Variants in WNT3A observed in about 807,000 individuals in gnomAD.
WNT3A encodes the protein Wnt family member 3A, also known as protein Wnt-3a.
In WNT3A, 17 loss-of-function variants were observed where a neutral mutation model predicts 37.0. That is an observed-to-expected ratio of 0.46 (90% CI 0.31 to 0.69). The LOEUF (loss-of-function observed/expected upper bound fraction) is 0.69, where lower values mean the gene tolerates loss of function less well. Among genes scored for constraint, WNT3A ranks in the 30% least tolerant of loss-of-function variants. WNT3A has a pLI of 0.05. For synonymous variants in WNT3A, 187 were observed against 211.0 expected (o/e 0.89, Z 0.99); for missense variants, 411 against 510.2 (o/e 0.81, Z 1.87).
chr1:228,027,051 T>C (rs2030870477), intron 2 of WNT3A, among the ~76,000 whole-genome samples: 1 of 152,118 alleles, frequency 6.6e-6, no homozygotes, highest in Non-Finnish European at 1.5e-5. Flanking sequence ...CCACTTTGGC[T>C]GGGCTGGTCC....
At chr1:228,046,552 TTG>T (rs1288557056) in intron 2 of WNT3A, among the ~76,000 whole-genome samples, 2 of 149,356 alleles carry the variant, frequency 1.3e-5, no homozygotes, top group Non-Finnish European at 3.0e-5. Flanking sequence ...GTGTGTGTAT[TTG>T]TGTGTGTGCA....
intron 1 of WNT3A, among the ~76,000 whole-genome samples, chr1:228,016,020 GT>G (rs1262853308): frequency 6.6e-6 from 1 of 152,138 alleles, no homozygotes; most frequent in East Asian, 1.9e-4. Context: ...GTCTGTGCCC[GT>G]CACCTTCTGG....
chr1:228,029,785 G>A (rs1184052500), intron 2 of WNT3A, among the ~76,000 whole-genome samples: 2 of 149,178 alleles, frequency 1.3e-5, no homozygotes, highest in Non-Finnish European at 3.0e-5. Context: ...CACAGGTGAC[G>A]GTGTTAGAAG....
intron 1 of WNT3A, among the ~76,000 whole-genome samples, chr1:228,016,237 T>C (rs1257710156): frequency 3.3e-5 from 5 of 152,224 alleles, no homozygotes; most frequent in East Asian, 1.9e-4. Context: ...ACAGGGGCCA[T>C]GGAGCAAGTT....
At chr1:228,020,664 G>T (rs1438784624) in intron 1 of WNT3A, among the ~76,000 whole-genome samples, 6 of 152,352 alleles carry the variant, frequency 3.9e-5, no homozygotes, top group African/African-American at 1.4e-4. Flanking sequence ...GGTGGAGGGG[G>T]TGTGCAGGGA....
intron 2 of WNT3A, among the ~76,000 whole-genome samples, chr1:228,049,953 T>A (rs1444792902): frequency 6.6e-6 from 1 of 151,732 alleles, no homozygotes; most frequent in Non-Finnish European, 1.5e-5. Flanking sequence ...AATTTTAACA[T>A]TTTTTTGTAG....
intron 1 of WNT3A, among the ~76,000 whole-genome samples, chr1:228,017,407 G>A (rs988227923): frequency 3.3e-5 from 5 of 152,126 alleles, no homozygotes; most frequent in Non-Finnish European, 7.4e-5. Flanking sequence ...GAAGAGGAGG[G>A]ACTAGCTCTC....
At chr1:228,013,217 T>G (rs1287341830) in intron 1 of WNT3A, among the ~76,000 whole-genome samples, 2 of 152,108 alleles carry the variant, frequency 1.3e-5, no homozygotes, top group African/African-American at 4.8e-5. Flanking sequence ...TTGGCTAGTA[T>G]TTTTCATTTT....
At chr1:228,017,708 G>A (rs1238257972) in intron 1 of WNT3A, among the ~76,000 whole-genome samples, 1 of 152,160 alleles carries the variant, frequency 6.6e-6, no homozygotes, top group East Asian at 1.9e-4. Context: ...CTCTAAAAAA[G>A]TAAATTAATA....
At chr1:228,053,306 C>A (rs549716015) in intron 3 of WNT3A, among the ~76,000 whole-genome samples, 1 of 152,346 alleles carries the variant, frequency 6.6e-6, no homozygotes, top group African/African-American at 2.4e-5. Context: ...ATAACCCTGG[C>A]TTGCTACCTC....
intron 3 of WNT3A, among the ~76,000 whole-genome samples, chr1:228,052,622 G>A (rs1212728077): frequency 1.3e-5 from 2 of 152,212 alleles, no homozygotes; most frequent in Non-Finnish European, 2.9e-5. Context: ...CATGAAGATG[G>A]CAGCTGACCT....
At chr1:228,056,158 G>A (rs1457019816) in intron 3 of WNT3A, among the ~76,000 whole-genome samples, 2 of 152,238 alleles carry the variant, frequency 1.3e-5, no homozygotes, top group Admixed American at 6.5e-5. Context: ...GACCAAAGTT[G>A]ACAAGTCTCT....
Position 228,050,846 on chromosome 1 carries a change from G to C in WNT3A, c.504G>C (p.Glu168Asp), listed in dbSNP as rs1279931043. 7 of 1,600,804 alleles carry C rather than the reference G, an allele frequency of 4.4e-6. No individual in the cohort carries two copies. Among genetic ancestry groups the C allele is most frequent in the Non-Finnish European group, 6.0e-6 (7 of 1,172,128 alleles). Residue 168 changes from glutamate (E) to aspartate (D), a missense_variant, in exon 3 of 4, where the codon GAG (glutamate) becomes GAC (aspartate). Coordinates refer to ENST00000284523, the MANE Select transcript of WNT3A (RefSeq NM_033131.4). This position sits in a 1 kb window ranked among gnomAD's most constrained non-coding sequence, Gnocchi z 5.0. ...DIEFGGMVSR[E>D]FADARENRPD... Reference sequence around the variant, plus strand: ...AGTTTGGTGGGATGGTGTCTCGGGAGTTCGCCGACGCCCGGGAGAACCGGC... The same window carrying C: ...AGTTTGGTGGGATGGTGTCTCGGGACTTCGCCGACGCCCGGGAGAACCGGC...
chr1:228,035,725 G>C (rs984617716), intron 2 of WNT3A, among the ~76,000 whole-genome samples: 25 of 152,152 alleles, frequency 1.6e-4, no homozygotes, highest in African/African-American at 5.8e-4. Flanking sequence ...GGGGCGGGGA[G>C]CCCCCATTTC....
rs61497242 is a variant in WNT3A, at chr1:228,054,627, C to CA, written c.579+3725dup. Among the ~76,000 whole-genome samples, 425 of 57,858 alleles carry CA rather than the reference C, an allele frequency of 7.3e-3. 6 individuals carry two copies. The highest frequency in any genetic ancestry group is 0.013 in the East Asian group (25 of 1,866). 38.0% of individuals were successfully genotyped at this position (57,858 alleles called of 152,430 possible). A position where few individuals can be genotyped will look rare whatever the true frequency, so the allele number is the denominator to read the frequency against. On this transcript the variant is annotated intron_variant, in intron 3 of 3. Transcript: ENST00000284523. ...TGGGCGACAGAGTGAGACTCTGTCT[C>CA]AAAAAAAAAAAAAAAAAAAGAAAAC...
At position 228,007,287 on chromosome 1, in the gene WNT3A, C is replaced by G; in HGVS notation, c.71+88C>G. Reference sequence around the variant, plus strand: ...CTCGGGCAGGGACCCCGCGGTGGCCCGAGCCCGCGCCCTTCTGCTCCAGCC... The same window carrying G: ...CTCGGGCAGGGACCCCGCGGTGGCCGGAGCCCGCGCCCTTCTGCTCCAGCC... On this transcript the variant is annotated intron_variant, in intron 1 of 3. Transcript: ENST00000284523. This position sits in a 1 kb window ranked among gnomAD's most constrained non-coding sequence, Gnocchi z 6.0. 7.3e-7 allele frequency: 1 copy of G among 1,374,384 alleles called. No individual in the cohort carries two copies. Among genetic ancestry groups the G allele is most frequent in the East Asian group, 2.7e-5 (1 of 37,350 alleles). 85.1% of individuals were successfully genotyped at this position (1,374,384 alleles called of 1,614,324 possible).
intron 2 of WNT3A, among the ~76,000 whole-genome samples, chr1:228,040,992 T>A (rs1312777849): frequency 7.0e-6 from 1 of 143,522 alleles, no homozygotes; most frequent in African/African-American, 2.7e-5. Context: ...TATATATATA[T>A]ATAATATCTA....
In WNT3A at chr1:228,059,199, G is replaced by T; in HGVS notation, c.793G>T (p.Val265Leu). 1 of 1,612,376 alleles carries T rather than the reference G, an allele frequency of 6.2e-7. No individual in the cohort carries two copies. Among genetic ancestry groups the T allele is most frequent in the Non-Finnish European group, 8.5e-7 (1 of 1,179,684 alleles). The change falls in exon 4 of 4, where the codon GTG becomes TTG. Residue 265 changes from valine (V) to leucine (L), a missense_variant. By Grantham distance (32) the Val-to-Leu change is conservative. Transcript: ENST00000284523. Reference protein sequence around the residue: ...TLRPRYTYFKVPTERDLVYYE... With the variant: ...TLRPRYTYFKLPTERDLVYYE... ...GCGGCCGCGCTACACCTACTTCAAGGTGCCCACGGAGCGCGACCTGGTCTA... is the reference window on the plus strand; with the variant it reads ...GCGGCCGCGCTACACCTACTTCAAGTTGCCCACGGAGCGCGACCTGGTCTA...
In WNT3A at chr1:228,042,300, G is replaced by T. The variant is rs2102774998; in HGVS notation, c.314-8356G>T. ...CCTCTGGAGGATTTTTTTTACTGTGGTTATTGAGAGTGGGCACCTTGCTTC... is the reference window on the plus strand; with the variant it reads ...CCTCTGGAGGATTTTTTTTACTGTGTTTATTGAGAGTGGGCACCTTGCTTC... On this transcript the variant is annotated intron_variant, in intron 2 of 3. Transcript: ENST00000284523. The surrounding 1 kb of genome is among the most constrained non-coding windows in gnomAD (Gnocchi z 5.2). Among the ~76,000 whole-genome samples, 1 of 152,220 alleles carries T rather than the reference G, an allele frequency of 6.6e-6. No individual in the cohort carries two copies. Among genetic ancestry groups the T allele is most frequent in the Non-Finnish European group, 1.5e-5 (1 of 68,028 alleles).
Sources: gnomAD v4.1 joint callset for allele counts (sites outside exome capture counted in the v4.1 genomes callset) on GRCh38, gnomAD v4.1.1 for gene constraint, Gnocchi (gnomAD v3.1) non-coding constraint, MANE v1.5 for transcripts, NCBI Gene and HGNC (gene_info 2026-07-23, HGNC 2026-07-21) for gene names.